The following GLOD4 variants were observed in gnomAD, a reference collection of about 807,000 sequenced individuals.
The protein encoded by GLOD4 is glyoxalase domain-containing protein 4.
GLOD4 carries 44 observed loss-of-function variants against 39.1 expected under a neutral mutation model. The observed-to-expected ratio is 1.13, with a 90% CI of 0.88 to 1.45. The LOEUF (loss-of-function observed/expected upper bound fraction) is 1.45, where lower values mean the gene tolerates loss of function less well. Among genes scored for constraint, GLOD4 ranks in the 40% most tolerant of loss-of-function variants. The pLI, the probability that GLOD4 is intolerant of heterozygous loss-of-function variation, is 0.00. For missense variants in GLOD4, 405 were observed against 366.4 expected (o/e 1.11, Z -0.86); for synonymous variants, 145 against 135.0 (o/e 1.07, Z -0.52).
chr17:767,963 A>G (rs1273630287), intron 8 of GLOD4, among the ~76,000 whole-genome samples: 3 of 142,010 alleles, frequency 2.1e-5, no homozygotes, highest in Non-Finnish European at 4.6e-5. Context: ...AACAGCGCGC[A>G]CTCAGATTTT....
intron 8 of GLOD4, chr17:764,507 G>C (rs1250600714): frequency 6.6e-6 from 1 of 151,982 alleles, no homozygotes; most frequent in African/African-American, 2.4e-5. Context: ...ATTTACTCAA[G>C]AGAAATGAAA....
In GLOD4 at chr17:762,315, G is replaced by C. The variant is rs143923502; in HGVS notation, c.832-2077C>G. Reference sequence around the variant, plus strand: ...AAACTGGCTCTGAGGATTCCAGCGTGAACAACTGGGATCACAGACACGCTG... The same window carrying C: ...AAACTGGCTCTGAGGATTCCAGCGTCAACAACTGGGATCACAGACACGCTG... On this transcript the variant is annotated intron_variant, in intron 8 of 8. Transcript: ENST00000301329. Among the ~76,000 whole-genome samples the C allele has an allele frequency of 3.2e-3, 484 of 152,360 alleles. 4 individuals carry two copies. Among genetic ancestry groups the C allele is most frequent in the African/African-American group, 0.011 (468 of 41,584 alleles).
rs766628793 is a variant in GLOD4 at position 778,760 on chromosome 17, GAATA to G, written c.91-20_91-17del. 16 of 1,574,016 alleles carry G rather than the reference GAATA, an allele frequency of 1.0e-5. No individual in the cohort carries two copies. The highest frequency in any genetic ancestry group is 1.7e-5 in the Admixed American group (1 of 59,836). On this transcript the variant is annotated splice_polypyrimidine_tract_variant and intron_variant, in intron 1 of 8. Coordinates refer to ENST00000301329, the MANE Select transcript of GLOD4 (RefSeq NM_016080.4). Reference sequence around the variant, plus strand: ...GCCGCAGAACCTGGTGTGAGATTTAGAATAAATTGTGAAGTGTTGCTAGTACTGC... The same window carrying G: ...GCCGCAGAACCTGGTGTGAGATTTAGAATTGTGAAGTGTTGCTAGTACTGC...
In GLOD4 at chr17:770,098, C is replaced by T. The variant is rs747617679; in HGVS notation, c.690G>A (p.Val230=). Residue 230 remains valine, a synonymous_variant, in exon 7 of 9, where the codon GTG becomes GTA. Transcript: ENST00000301329. ...RENQKILTPL[V]SLDTPGKATV... is the part of the protein sequence containing the mutation. ...TTGCTTTCCCTGGGGTGTCCAGGCT[C>T]ACCAGGGGAGTCAGAATCTTCTGGT... 20 of 1,613,246 alleles carry T rather than the reference C, an allele frequency of 1.2e-5. No individual in the cohort carries two copies. Among genetic ancestry groups the T allele is most frequent in the Non-Finnish European group, 1.6e-5 (19 of 1,179,358 alleles).
In GLOD4 at chr17:782,211, G is replaced by A. The variant is rs1315249139; in HGVS notation, c.45C>T (p.Asn15=). The change falls in exon 1 of 9, where the codon AAC becomes AAT. Residue 15 remains asparagine (N), a synonymous_variant. Transcript: ENST00000301329. ...RALHFVFKVG[N]RFQTARFYRD... ...GATAGAAACGCGCCGTCTGGAAGCG[G>A]TTTCCCACTTTGAATACGAAGTGCA... 3.7e-6 allele frequency: 6 copies of A among 1,613,380 alleles called. No homozygotes were observed. The highest frequency in any genetic ancestry group is 5.1e-6 in the Non-Finnish European group (6 of 1,179,722).
intron 4 of GLOD4, among the ~76,000 whole-genome samples, chr17:772,585 A>G (rs565542862): frequency 6.6e-6 from 1 of 152,376 alleles, no homozygotes; most frequent in South Asian, 2.1e-4. Flanking sequence ...AAAGTCCTTA[A>G]TATGTAAATC....
At chr17:777,269 C>G (rs1002617622) in intron 2 of GLOD4, 8 of 438,300 alleles carry the variant, frequency 1.8e-5, no homozygotes, top group African/African-American at 1.6e-4. Flanking sequence ...TCCAACTGAC[C>G]TGTTATTTCC....
At position 770,173 on chromosome 17, in the gene GLOD4, G is replaced by C. The variant is rs1292143465; in HGVS notation, c.631-16C>G. ...AGTCTGGCAACTTGAGGAAAACAGAGGCAACGTGAGCCAGGGGTCACACAC... is the reference window on the plus strand; with the variant it reads ...AGTCTGGCAACTTGAGGAAAACAGACGCAACGTGAGCCAGGGGTCACACAC... On this transcript the variant is annotated splice_polypyrimidine_tract_variant and intron_variant, in intron 6 of 8. Coordinates refer to ENST00000301329, the MANE Select transcript of GLOD4 (RefSeq NM_016080.4). 3 of 1,416,918 alleles carry C rather than the reference G, an allele frequency of 2.1e-6. No individual in the cohort carries two copies. The allele number at this position is 1,416,918 out of a possible 1,614,324, so 87.8% of individuals were successfully genotyped here.
intron 1 of GLOD4, among the ~76,000 whole-genome samples, chr17:781,653 G>T (rs188337092): frequency 2.0e-5 from 3 of 152,224 alleles, no homozygotes; most frequent in Admixed American, 2.0e-4. Flanking sequence ...AGCTCCTCAG[G>T]ACCCGAGACA....
chr17:761,812 G>A (rs534867111), intron 8 of GLOD4, among the ~76,000 whole-genome samples: 2 of 152,256 alleles, frequency 1.3e-5, no homozygotes, highest in South Asian at 4.1e-4. Flanking sequence ...CTGAACCTAA[G>A]AAAGCTTTTA....
rs566346704 is a variant in GLOD4, at chr17:774,047, G to A, written c.406+1728C>T. ...ACTGAAATATCACTAAGGCTGGAGA[G>A]AAAAAATGGATGGTGGAGCTAGCTG... On this transcript the variant is annotated intron_variant, in intron 4 of 8. Coordinates refer to ENST00000301329, the MANE Select transcript of GLOD4 (RefSeq NM_016080.4). Among the ~76,000 whole-genome samples the A allele has an allele frequency of 1.1e-4, 16 of 152,222 alleles. No homozygotes were observed. The South Asian group carries it at 3.3e-3, about 32-fold the overall frequency.
intron 4 of GLOD4, among the ~76,000 whole-genome samples, chr17:772,428 C>A: frequency 6.7e-6 from 1 of 150,158 alleles, no homozygotes; most frequent in African/African-American, 2.5e-5. Context: ...AACCTGACAC[C>A]AAAGATAGAA....
Position 760,183 on chromosome 17 carries a change from G to A in GLOD4, c.887C>T (p.Ala296Val), listed in dbSNP as rs763696517. 1.9e-6 allele frequency: 3 copies of A among 1,593,462 alleles called. No homozygotes were observed. Among genetic ancestry groups the A allele is most frequent in the Non-Finnish European group, 1.7e-6 (2 of 1,161,178 alleles). The change falls in exon 9 of 9, where the codon GCT (alanine) becomes GTT (valine). Residue 296 changes from alanine (A) to valine (V), a missense_variant. Ala to Val is a moderately conservative substitution (Grantham distance 64, BLOSUM62 0). Transcript: ENST00000301329. ...GCATCATGTCTTCCGTTAACCTGAA[G>A]CTTTGGGTTTATTGTGTTTGGCAAA... is the stretch of plus-strand genomic sequence containing the variant. ...EWFAKHNKPK[A>V]SG
chr17:782,042 G>A, intron 1 of GLOD4, 124 bp downstream of exon 1: 2 of 662,598 alleles, frequency 3.0e-6, no homozygotes, highest in Admixed American at 2.9e-5. Context: ...ACCGCGCAGG[G>A]CCTAAGGTCG....
chr17:779,954 G>A (rs975501572), intron 1 of GLOD4, among the ~76,000 whole-genome samples: 1 of 152,114 alleles, frequency 6.6e-6, no homozygotes, highest in Non-Finnish European at 1.5e-5. Context: ...CATGAGGTCA[G>A]GAGATCGAGA....
intron 4 of GLOD4, among the ~76,000 whole-genome samples, chr17:772,676 G>C (rs1290149751): frequency 6.6e-6 from 1 of 152,100 alleles, no homozygotes; most frequent in Non-Finnish European, 1.5e-5. Context: ...ACAAAACAAG[G>C]AATTAGAATG....
Position 762,385 on chromosome 17 carries a change from A to G in GLOD4, c.832-2147T>C, listed in dbSNP as rs185425626. Among the ~76,000 whole-genome samples, 155 of 152,382 alleles carry G rather than the reference A, an allele frequency of 1.0e-3. 2 individuals are homozygous for G. The highest frequency in any genetic ancestry group is 3.7e-3 in the African/African-American group (152 of 41,598). The stretch of plus-strand genomic sequence containing the variant: ...AGGGCGCAGAGGAAGAAAAAGGACT[A>G]ACTGTAAAGCCTGAAAGGCTTCCAT... On this transcript the variant is annotated intron_variant, in intron 8 of 8. Coordinates refer to ENST00000301329, the MANE Select transcript of GLOD4 (RefSeq NM_016080.4).
intron 8 of GLOD4, 53 bp from the exon 9 acceptor site, chr17:760,291 CAT>C: frequency 1.0e-6 from 1 of 962,458 alleles, no homozygotes; most frequent in East Asian, 2.4e-5. Flanking sequence ...AAACAAAAGA[CAT>C]AGCCCACTTT....
At chr17:772,442 C>A (rs1908140594) in intron 4 of GLOD4, among the ~76,000 whole-genome samples, 1 of 150,760 alleles carries the variant, frequency 6.6e-6, no homozygotes, top group African/African-American at 2.4e-5. Flanking sequence ...GATAGAAAAA[C>A]TATGAAGAAA....
Sources: gnomAD v4.1 joint callset for allele counts (sites outside exome capture counted in the v4.1 genomes callset) on GRCh38, gnomAD v4.1.1 for gene constraint, MANE v1.5 for transcripts, NCBI Gene and HGNC (gene_info 2026-07-23, HGNC 2026-07-21) for gene names.